The following SPTBN2 variants were observed in gnomAD, a reference collection of about 807,000 sequenced individuals.
SPTBN2 encodes the protein spectrin beta, non-erythrocytic 2, also known as spectrin beta chain, non-erythrocytic 2.
Under a neutral mutation model 284.2 loss-of-function variants are expected in SPTBN2, and 107 were observed. The observed-to-expected ratio is 0.38, with a 90% confidence interval of 0.32 to 0.44. SPTBN2 has a LOEUF of 0.44. Among genes scored for constraint, SPTBN2 ranks in the 20% least tolerant of loss-of-function variants. The pLI, the probability that SPTBN2 is intolerant of heterozygous loss-of-function variation, is 1.00. For synonymous variants in SPTBN2, 1,289 were observed against 1,354.8 expected, an observed-to-expected ratio of 0.95 and a Z score of 1.07; for missense variants, 2,569 against 3,287.1, an observed-to-expected ratio of 0.78 and a Z score of 5.34.
Position 66,705,419 on chromosome 11 carries a change from T to A in SPTBN2, c.1857A>T (p.Leu619=). The part of the protein sequence containing the change: ...PQLVSERVAK[L]EQSYEALCEL... ...CGCACAGTGCCTCATAGCTCTGCTC[T>A]AGCTTGGCCACCCGCTCCGACACCA... The change falls in exon 15 of 38, where the codon CTA becomes CTT. Residue 619 remains leucine (L), a synonymous_variant. Transcript: ENST00000533211. The A allele has an allele frequency of 6.2e-7, 1 of 1,613,034 alleles. No homozygotes were observed. Among genetic ancestry groups the A allele is most frequent in the South Asian group, 1.1e-5 (1 of 91,086 alleles).
chr11:66,686,582 A>C, intron 36 of SPTBN2, 142 bp from the exon 37 acceptor site: 1 of 896,474 alleles, frequency 1.1e-6, no homozygotes, highest in East Asian at 2.5e-5. Flanking sequence ...CGCTCTGCAC[A>C]TTCTTCAGCT....
chr11:66,722,369 T>A (rs982490603), intron 1 of SPTBN2, among the ~76,000 whole-genome samples: 9 of 149,274 alleles, frequency 6.0e-5, no homozygotes, highest in African/African-American at 2.2e-4. Context: ...GGTCAGGAGA[T>A]CGAGACCATC....
chr11:66,728,317 C>T (rs900473680), intron 1 of SPTBN2: 19 of 144,478 alleles, frequency 1.3e-4, no homozygotes, highest in African/African-American at 3.7e-4. Context: ...GCAGGCGGCG[C>T]GGGGGGCGCG....
chr11:66,694,764 C>T (rs1220689207), intron 21 of SPTBN2, among the ~76,000 whole-genome samples: 1 of 152,224 alleles, frequency 6.6e-6, no homozygotes, highest in Admixed American at 6.5e-5. Context: ...CGTGGCCCTG[C>T]TTTGAGACAC....
intron 13 of SPTBN2, among the ~76,000 whole-genome samples, chr11:66,706,221 G>A (rs1036884856): frequency 1.3e-5 from 2 of 152,166 alleles, no homozygotes; most frequent in African/African-American, 2.4e-5. Context: ...TAACGGTCTC[G>A]CTGTCATGCT....
chr11:66,698,841 A>C (rs1941084469), intron 19 of SPTBN2, 56 bp from the exon 20 acceptor site: 1 of 1,609,782 alleles, frequency 6.2e-7, no homozygotes, highest in African/African-American at 1.3e-5. Context: ...GGGGCATAAA[A>C]GCAGGGCCAC....
At chr11:66,719,792 C>A (rs1942310056) in intron 3 of SPTBN2, among the ~76,000 whole-genome samples, 2 of 152,194 alleles carry the variant, frequency 1.3e-5, no homozygotes, top group Admixed American at 1.3e-4. Context: ...GTTCTAGAGG[C>A]TACATGAATC....
intron 1 of SPTBN2, among the ~76,000 whole-genome samples, chr11:66,737,834 G>C (rs1942864680): frequency 6.6e-6 from 1 of 152,144 alleles, no homozygotes; most frequent in Admixed American, 6.5e-5. Flanking sequence ...AAGCTAATCA[G>C]GAGAAGAGGT....
In SPTBN2 at chr11:66,699,526, C is replaced by T. The variant is rs750309042; in HGVS notation, c.3656G>A (p.Ser1219Asn). The change falls in exon 18 of 38, where the codon AGC becomes AAC. Residue 1219 changes from serine to asparagine, a missense_variant. Ser to Asn is a conservative substitution (Grantham distance 46). Around this residue, in one of 6 missense-constraint regions of SPTBN2, gnomAD observed 1,012 missense variants for 1,248.9 expected, o/e 0.81. Coordinates refer to ENST00000533211, the MANE Select transcript of SPTBN2 (RefSeq NM_006946.4). Reference protein sequence around the residue: ...AAIKKLEDFMSTMDANGERIH... With the variant: ...AAIKKLEDFMNTMDANGERIH... ...CCGTTCCCCATTGGCGTCCATGGTG[C>T]TCATGAAGTCCTCCAGTTTTTTAAT... The T allele has an allele frequency of 3.1e-6, 5 of 1,614,074 alleles. No homozygotes were observed. The highest frequency in any genetic ancestry group is 3.4e-6 in the Non-Finnish European group (4 of 1,180,056).
intron 27 of SPTBN2, 106 bp from the exon 28 acceptor site, chr11:66,690,389 A>T: frequency 7.0e-7 from 1 of 1,423,708 alleles, no homozygotes. Context: ...TCACAGCCAA[A>T]GAAGCAGGGG....
chr11:66,714,242 C>G, intron 6 of SPTBN2, 71 bp from the exon 7 acceptor site: 3 of 1,607,198 alleles, frequency 1.9e-6, no homozygotes, highest in Non-Finnish European at 2.6e-6. Flanking sequence ...CAGTCACCAG[C>G]TCATGGTTCC....
At position 66,687,777 on chromosome 11, in the gene SPTBN2, C is replaced by T. The variant is rs1358302226; in HGVS notation, c.6501+91G>A. ...CCTGTGAGCCTCTGCCCTCTCCCAT[C>T]CCATCCCCAGTACTCCCCCACCCGC... On this transcript the variant is annotated intron_variant, in intron 34 of 37. Transcript: ENST00000533211. This position sits in a 1 kb window ranked among gnomAD's most constrained non-coding sequence, Gnocchi z 5.2. 2 of 1,591,762 alleles carry T rather than the reference C, an allele frequency of 1.3e-6. No homozygotes were observed. The highest frequency in any genetic ancestry group is 1.3e-5 in the African/African-American group (1 of 74,434).
chr11:66,709,808 C>G (rs181291157), intron 10 of SPTBN2, among the ~76,000 whole-genome samples: 14 of 152,330 alleles, frequency 9.2e-5, no homozygotes, highest in African/African-American at 3.4e-4. Context: ...AGGTACTGAA[C>G]AGAATTGCCT....
At position 66,687,095 on chromosome 11, in the gene SPTBN2, G is replaced by A. The variant is rs1276040036; in HGVS notation, c.6795C>T (p.Ser2265=). The A allele has an allele frequency of 1.9e-6, 3 of 1,614,092 alleles. No homozygotes were observed. The highest frequency in any genetic ancestry group is 8.5e-7 in the Non-Finnish European group (1 of 1,180,046). Residue 2265 remains serine, a synonymous_variant, in exon 36 of 38, where the codon AGC becomes AGT. Transcript: ENST00000533211. This position sits in a 1 kb window ranked among gnomAD's most constrained non-coding sequence, Gnocchi z 5.2. The part of the protein sequence containing the change: ...LGFYKDAKAA[S]AGVPYHGEVP... ...CTTCTCCGTGGTATGGCACTCCCGC[G>A]CTGGCTGCCTTGGCATCCTTGTAAA...
At chr11:66,694,498 A>C (rs1940787279) in intron 21 of SPTBN2, 135 bp from the exon 22 acceptor site, 3 of 874,556 alleles carry the variant, frequency 3.4e-6, no homozygotes, top group African/African-American at 1.7e-5. Flanking sequence ...GCATCCCCTC[A>C]TGGGCTGGAT....
chr11:66,722,892 C>CAA (rs1293210992), intron 1 of SPTBN2, among the ~76,000 whole-genome samples: 121 of 54,740 alleles, frequency 2.2e-3, no homozygotes, highest in East Asian at 4.5e-3. Context: ...GATTCTGCCT[C>CAA]AAAAAAAAAA....
chr11:66,734,652 A>C (rs1942840173), intron 1 of SPTBN2, among the ~76,000 whole-genome samples: 1 of 152,148 alleles, frequency 6.6e-6, no homozygotes, highest in Middle Eastern at 3.2e-3. Context: ...AGCACTCCAT[A>C]CTGGATTGTC....
upstream of SPTBN2, among the ~76,000 whole-genome samples, chr11:66,731,484 T>A (rs1279747466): frequency 6.6e-6 from 1 of 152,238 alleles, no homozygotes; most frequent in Non-Finnish European, 1.5e-5. Flanking sequence ...CATACATACA[T>A]AGCCGAATTC....
intron 36 of SPTBN2, 61 bp from the exon 37 acceptor site, chr11:66,686,501 G>GGT (rs1940123286): frequency 3.8e-6 from 6 of 1,590,914 alleles, no homozygotes; most frequent in Middle Eastern, 1.8e-4. Context: ...GGTAGCTGCT[G>GGT]GTGAGAGCGT....
Sources: gnomAD v4.1 joint callset for allele counts (sites outside exome capture counted in the v4.1 genomes callset) on GRCh38, gnomAD v4.1.1 for gene constraint, gnomAD v4.1.1 regional missense constraint, Gnocchi (gnomAD v3.1) non-coding constraint, MANE v1.5 for transcripts, NCBI Gene and HGNC (gene_info 2026-07-23, HGNC 2026-07-21) for gene names.